SRGAP3: variants seen among roughly 807,000 people sequenced by gnomAD.
The protein encoded by SRGAP3 is SLIT-ROBO Rho GTPase activating protein 3.
Under a neutral mutation model 121.1 loss-of-function variants are expected in SRGAP3, and 39 were observed. That is an observed-to-expected ratio of 0.32 (90% CI 0.25 to 0.42). The LOEUF (loss-of-function observed/expected upper bound fraction) is 0.42. Ranked by LOEUF, SRGAP3 falls within the 10% of genes least tolerant of loss-of-function variation. The pLI is 1.00. For synonymous variants in SRGAP3, 601 were observed against 570.0 expected, an observed-to-expected ratio of 1.05 and a Z score of -0.77; for missense variants, 1,213 against 1,470.6, an observed-to-expected ratio of 0.82 and a Z score of 2.86.
chr3:9,302,373 C>G (rs540892400), intron 3 of SRGAP3, among the ~76,000 whole-genome samples: 1 of 152,312 alleles, frequency 6.6e-6, no homozygotes, highest in South Asian at 2.1e-4. Context: ...AACACTCGCT[C>G]TACTCCTAGA....
rs570678905 is a variant in SRGAP3, at chr3:8,983,858, G to A, written c.*1661C>T. On this transcript the variant is annotated 3_prime_UTR_variant, in exon 22 of 22. Transcript: ENST00000383836. ...AAGGCTCCTAAGTGCTCAGGGCTGG[G>A]ACTCAGACTCTGGGCCTTTTGACTC... The A allele has an allele frequency of 8.7e-6, 2 of 229,958 alleles. No individual in the cohort carries two copies. Among genetic ancestry groups the A allele is most frequent in the South Asian group, 1.8e-4 (1 of 5,512 alleles). 14.2% of individuals were successfully genotyped at this position (229,958 alleles called of 1,614,324 possible).
chr3:9,245,669 A>T (rs1434099543), intron 1 of SRGAP3, among the ~76,000 whole-genome samples: 1 of 152,194 alleles, frequency 6.6e-6, no homozygotes, highest in African/African-American at 2.4e-5. Flanking sequence ...CACACCTATG[A>T]TCGTAGCACT....
At chr3:9,361,139 G>T (rs1173050158) in intron 1 of SRGAP3, among the ~76,000 whole-genome samples, 1 of 152,114 alleles carries the variant, frequency 6.6e-6, no homozygotes, top group Non-Finnish European at 1.5e-5. Context: ...GTCTCACTCT[G>T]TCACCTGGGC....
chr3:8,990,842 G>A lies in SRGAP3; in HGVS notation c.2559-3C>T, dbSNP rs747096259. 13 of 1,518,946 alleles carry A rather than the reference G, an allele frequency of 8.6e-6. No homozygotes were observed. In the East Asian group the frequency reaches 3.0e-4, roughly 35 times the overall value. The allele number at this position is 1,518,946 out of a possible 1,614,324, so 94.1% of individuals were successfully genotyped here. On this transcript the variant is annotated splice_region_variant and splice_polypyrimidine_tract_variant and intron_variant, in intron 20 of 21. Transcript: ENST00000383836. ...CTCCATCAGATCGTAACCGCACTCTGCAAAGGAGCCAGGGGGCGAGGGGCA... is the reference window on the plus strand; with the variant it reads ...CTCCATCAGATCGTAACCGCACTCTACAAAGGAGCCAGGGGGCGAGGGGCA...
intron 9 of SRGAP3, 125 bp from the exon 10 acceptor site, chr3:9,047,600 C>T (rs760296067): frequency 6.7e-6 from 6 of 891,910 alleles, no homozygotes; most frequent in East Asian, 2.6e-5. Context: ...GGGACCCCGG[C>T]GCAGGGAACA....
chr3:9,341,976 A>G (rs1474745988), intron 1 of SRGAP3, among the ~76,000 whole-genome samples: 1 of 152,202 alleles, frequency 6.6e-6, no homozygotes, highest in Non-Finnish European at 1.5e-5. Flanking sequence ...AAACTGCTTG[A>G]GAATCTAGAT....
At position 9,300,270 on chromosome 3, in the gene SRGAP3, C is replaced by G. The variant is rs1955034499; in HGVS notation, n.442+25740G>C. ...TCCTTAATCTCTCCTCATGTGCACTCTGGAGTACAGTCATACTAAAATATT... is the reference window on the plus strand; with the variant it reads ...TCCTTAATCTCTCCTCATGTGCACTGTGGAGTACAGTCATACTAAAATATT... On this transcript the variant is annotated intron_variant and non_coding_transcript_variant, in intron 3 of 3. Coordinates refer to the SRGAP3 transcript ENST00000490889. Among the ~76,000 whole-genome samples, 6 of 146,998 alleles carry G rather than the reference C, an allele frequency of 4.1e-5. No individual in the cohort carries two copies. The South Asian group carries it at 1.4e-3, about 34-fold the overall frequency.
chr3:9,282,849 G>T (rs1410259879), intron 3 of SRGAP3, among the ~76,000 whole-genome samples: 1 of 152,138 alleles, frequency 6.6e-6, no homozygotes, highest in Admixed American at 6.5e-5. Flanking sequence ...AATATAGTTG[G>T]AAAGGGAAGG....
chr3:9,306,407 C>CT (rs1481669231), intron 3 of SRGAP3, among the ~76,000 whole-genome samples: 5 of 152,146 alleles, frequency 3.3e-5, no homozygotes, highest in African/African-American at 1.2e-4. Context: ...TGCAGAAGCT[C>CT]TTTAGTTTAA....
At chr3:9,140,350 G>T (rs1949805836) in intron 1 of SRGAP3, among the ~76,000 whole-genome samples, 2 of 152,124 alleles carry the variant, frequency 1.3e-5, no homozygotes, top group South Asian at 4.1e-4. Context: ...ATTGTTAAAT[G>T]ACAAAAGTAG....
At chr3:9,221,987 C>G (rs1272970967) in intron 1 of SRGAP3, among the ~76,000 whole-genome samples, 1 of 152,160 alleles carries the variant, frequency 6.6e-6, no homozygotes, top group Non-Finnish European at 1.5e-5. Flanking sequence ...CTGTAGTAGC[C>G]CCTCTCCTTT....
intron 8 of SRGAP3, 35 bp from the exon 9 acceptor site, chr3:9,053,259 A>G: frequency 6.3e-7 from 1 of 1,598,188 alleles, no homozygotes; most frequent in African/African-American, 1.3e-5. Flanking sequence ...AAAATCCTGT[A>G]TTCTCATACT....
intron 1 of SRGAP3, among the ~76,000 whole-genome samples, chr3:9,126,976 T>C (rs1341219338): frequency 6.6e-6 from 1 of 152,186 alleles, no homozygotes; most frequent in East Asian, 1.9e-4. Flanking sequence ...TAAAAAGTGT[T>C]TTTAAAAAGT....
intron 1 of SRGAP3, among the ~76,000 whole-genome samples, chr3:9,127,839 G>C (rs1481129189): frequency 6.6e-6 from 1 of 151,978 alleles, no homozygotes. Flanking sequence ...GATTGCTTTA[G>C]CCCAGGAGTT....
intron 5 of SRGAP3, 68 bp downstream of exon 5, chr3:9,064,328 C>T (rs541706261): frequency 5.5e-5 from 88 of 1,605,728 alleles, no homozygotes; most frequent in African/African-American, 3.5e-4. Flanking sequence ...TAAGGCTGTC[C>T]GCCAAGACCA....
At chr3:9,121,043 C>A (rs1378639239) in intron 2 of SRGAP3, among the ~76,000 whole-genome samples, 2 of 152,194 alleles carry the variant, frequency 1.3e-5, no homozygotes. Context: ...AGTCTCCATC[C>A]CAGTTCTGCT....
intron 5 of SRGAP3, among the ~76,000 whole-genome samples, chr3:9,062,093 A>G (rs2125198908): frequency 6.6e-6 from 1 of 152,132 alleles, no homozygotes; most frequent in East Asian, 1.9e-4. Flanking sequence ...GACCCCCCAC[A>G]GAGAGTTTTG....
chr3:9,360,338 G>A (rs913233423), intron 1 of SRGAP3, among the ~76,000 whole-genome samples: 3 of 152,132 alleles, frequency 2.0e-5, no homozygotes, highest in Admixed American at 6.5e-5. Context: ...CCCACCATAC[G>A]CAGAAAATAG....
chr3:9,073,368 C>T (rs1175434333), intron 4 of SRGAP3, among the ~76,000 whole-genome samples: 2 of 152,234 alleles, frequency 1.3e-5, no homozygotes, highest in Non-Finnish European at 2.9e-5. Flanking sequence ...TGGTCTTGAA[C>T]TCCTAGGCTC....
Sources: allele counts gnomAD v4.1 joint callset (sites outside exome capture counted in the v4.1 genomes callset), GRCh38; gene constraint gnomAD v4.1.1; transcripts MANE v1.5; gene names NCBI Gene and HGNC (gene_info 2026-07-23, HGNC 2026-07-21).